Variants in ZBTB21 observed in about 807,000 individuals in gnomAD.
The protein encoded by ZBTB21 is zinc finger and BTB domain-containing protein 21.
ZBTB21 carries 10 observed loss-of-function variants against 39.8 expected under a neutral mutation model. The ratio of observed to expected loss-of-function variants is 0.25; its 90% CI spans 0.16 to 0.43. ZBTB21 has a LOEUF of 0.43. Ranked by LOEUF, ZBTB21 falls within the 20% of genes least tolerant of loss-of-function variation. The pLI, the probability that ZBTB21 is intolerant of heterozygous loss-of-function variation, is 1.00. For missense variants in ZBTB21, 1,221 were observed against 1,296.3 expected (o/e 0.94, Z 0.89); for synonymous variants, 551 against 498.8 (o/e 1.10, Z -1.40).
rs556807857 is a variant in ZBTB21 at position 41,999,236 on chromosome 21, A to G, written c.-14+3661T>C. ...AAGGTACAGATTTAAAGGCTTGGAT[A>G]GTCTTTGTCAAAAGGGGTTCTTAAA... On this transcript the variant is annotated intron_variant, in intron 2 of 2. Coordinates refer to ENST00000310826, the MANE Select transcript of ZBTB21 (RefSeq NM_001098402.2). Among the ~76,000 whole-genome samples the G allele has an allele frequency of 2.0e-5, 3 of 152,388 alleles. No individual in the cohort carries two copies. The South Asian group carries it at 6.2e-4, about 32-fold the overall frequency.
Position 41,992,507 on chromosome 21 carries a change from T to C in ZBTB21, c.1589A>G (p.Asn530Ser). The change falls in exon 3 of 3, where the codon AAT (asparagine) becomes AGT (serine). Residue 530 changes from asparagine (N) to serine (S), a missense_variant. Coordinates refer to ENST00000310826, the MANE Select transcript of ZBTB21 (RefSeq NM_001098402.2). The surrounding 1 kb of genome is among the most constrained non-coding windows in gnomAD (Gnocchi z 4.1). ...CTCCAACTCACCAAATTCGTCTTTA[T>C]TCAAATCAGAATCTGGAAAATCTGC... is the stretch of plus-strand genomic sequence containing the variant. ...LDADFPDSDL[N>S]KDEFGELEGT... 6.2e-7 allele frequency: 1 copy of C among 1,614,234 alleles called. No individual in the cohort carries two copies. The highest frequency in any genetic ancestry group is 1.1e-5 in the South Asian group (1 of 91,084).
At position 41,988,593 on chromosome 21, in the gene ZBTB21, G is replaced by A. The variant is rs1321826782; in HGVS notation, c.*2302C>T. On this transcript the variant is annotated 3_prime_UTR_variant, in exon 3 of 3. Transcript: ENST00000310826. The stretch of plus-strand genomic sequence containing the variant: ...ACTCTTTCAGCCTAATGCTTTTAAA[G>A]TACAGTATAAAAAGTAATAGAAAAA... The A allele has an allele frequency of 6.6e-6, 1 of 151,944 alleles. No homozygotes were observed. Among genetic ancestry groups the A allele is most frequent in the Non-Finnish European group, 1.5e-5 (1 of 67,960 alleles). 9.4% of individuals were successfully genotyped at this position (151,944 alleles called of 1,614,324 possible).
intron 2 of ZBTB21, among the ~76,000 whole-genome samples, chr21:41,997,432 C>T (rs1043537614): frequency 1.3e-5 from 2 of 151,702 alleles, no homozygotes; most frequent in Admixed American, 1.3e-4. Flanking sequence ...AAAAATTAGC[C>T]GAGGGTGGTG....
chr21:41,994,183 T>A, intron 2 of ZBTB21, 75 bp from the exon 3 acceptor site: 3 of 1,352,904 alleles, frequency 2.2e-6, no homozygotes, highest in Non-Finnish European at 3.0e-6. Context: ...GCAGGGAACA[T>A]CAGCTGTCTT....
Position 41,993,873 on chromosome 21 carries a change from A to G in ZBTB21, c.223T>C (p.Cys75Arg). 1 of 1,614,062 alleles carries G rather than the reference A, an allele frequency of 6.2e-7. No homozygotes were observed. The highest frequency in any genetic ancestry group is 8.5e-7 in the Non-Finnish European group (1 of 1,179,952). Residue 75 changes from cysteine (C) to arginine (R), a missense_variant, in exon 3 of 3, where the codon TGT becomes CGT. By Grantham distance (180) the Cys-to-Arg change is radical (BLOSUM62 -3). Coordinates refer to ENST00000310826, the MANE Select transcript of ZBTB21 (RefSeq NM_001098402.2). ...ACATTATCAAAAGCATCTGGCTCAC[A>G]GAAGTCAAGCTGAAATACAGTTTGT... ...ESQTVFQLDF[C>R]EPDAFDNVLN...
intron 1 of ZBTB21, among the ~76,000 whole-genome samples, chr21:42,005,990 A>C (rs1244627367): frequency 6.6e-6 from 1 of 152,252 alleles, no homozygotes; most frequent in Non-Finnish European, 1.5e-5. Context: ...CTGAGACCTA[A>C]GATCTGAATG....
At chr21:42,009,126 T>G (rs1271945236) in intron 1 of ZBTB21, 1 of 147,092 alleles carries the variant, frequency 6.8e-6, no homozygotes, top group Non-Finnish European at 1.5e-5. Context: ...TGTGAGCGCT[T>G]GCACGAAAGG....
rs756692826 is a variant in ZBTB21, at chr21:41,992,761, G to A, written c.1335C>T (p.Arg445=). The A allele has an allele frequency of 6.5e-5, 105 of 1,613,976 alleles. No individual in the cohort carries two copies. Among genetic ancestry groups the A allele is most frequent in the South Asian group, 1.1e-4 (10 of 91,080 alleles). ...SPLSDPSDII[R]VTVGDAATTA... ...TTGTTGCCGCATCTCCCACAGTGACGCGGATGATGTCCGAGGGGTCCGACA... is the reference window on the plus strand; with the variant it reads ...TTGTTGCCGCATCTCCCACAGTGACACGGATGATGTCCGAGGGGTCCGACA... The change falls in exon 3 of 3, where the codon CGC becomes CGT. Residue 445 remains arginine, a synonymous_variant. Transcript: ENST00000310826. This position sits in a 1 kb window ranked among gnomAD's most constrained non-coding sequence, Gnocchi z 4.1.
intron 1 of ZBTB21, among the ~76,000 whole-genome samples, chr21:42,008,342 C>CCA (rs1555912604): frequency 7.4e-5 from 4 of 54,310 alleles, no homozygotes; most frequent in African/African-American, 3.0e-4. Context: ...CCCGTCTCTA[C>CCA]AAAAAAAAAA....
At chr21:42,009,927 C>A (rs1360893161) in intron 1 of ZBTB21, among the ~76,000 whole-genome samples, 2 of 152,202 alleles carry the variant, frequency 1.3e-5, no homozygotes, top group African/African-American at 4.8e-5. Context: ...GTCCCCTACC[C>A]CAGGGGCAGC....
Position 41,990,958 on chromosome 21 carries a change from T to C in ZBTB21, c.3138A>G (p.Lys1046=), listed in dbSNP as rs780705608. Residue 1046 remains lysine, a synonymous_variant, in exon 3 of 3, where the codon AAA becomes AAG. Coordinates refer to ENST00000310826, the MANE Select transcript of ZBTB21 (RefSeq NM_001098402.2). ...AITFKRQFMC[K]LCHRTFKTAF... ...CAGTCTTGAATGTCCTGTGGCAAAG[T>C]TTACACATAAACTGTCTTTTAAATG... 1 of 1,517,952 alleles carries C rather than the reference T, an allele frequency of 6.6e-7. No individual in the cohort carries two copies. Among genetic ancestry groups the C allele is most frequent in the East Asian group, 2.3e-5 (1 of 43,878 alleles). The allele number at this position is 1,517,952 out of a possible 1,614,324, so 94.0% of individuals were successfully genotyped here. A position where few individuals can be genotyped will look rare whatever the true frequency, so the allele number is the denominator to read the frequency against.
Position 41,992,635 on chromosome 21 carries a change from T to G in ZBTB21, c.1461A>C (p.Gln487His). The change falls in exon 3 of 3, where the codon CAA becomes CAC. Residue 487 changes from glutamine (Q) to histidine (H), a missense_variant. By Grantham distance (24) the Gln-to-His change is conservative. Transcript: ENST00000310826. This position sits in a 1 kb window ranked among gnomAD's most constrained non-coding sequence, Gnocchi z 4.1. ...MSRLPAKRRF[Q>H]ADRRLPFKKL... ...TCTTAAACGGCAATCTTCGGTCCGC[T>G]TGGAACCTCCTTTTTGCTGGGAGTC... is the stretch of plus-strand genomic sequence containing the variant. 6.2e-7 allele frequency: 1 copy of G among 1,614,146 alleles called. No individual in the cohort carries two copies. The highest frequency in any genetic ancestry group is 8.5e-7 in the Non-Finnish European group (1 of 1,179,996).
rs1569104992 is a variant in ZBTB21, at chr21:41,992,843, C to G, written c.1253G>C (p.Arg418Thr). 1 of 1,614,182 alleles carries G rather than the reference C, an allele frequency of 6.2e-7. No homozygotes were observed. Residue 418 changes from arginine to threonine, a missense_variant, in exon 3 of 3, where the codon AGG becomes ACG. Arg to Thr is a moderately conservative substitution (Grantham distance 71). Coordinates refer to ENST00000310826, the MANE Select transcript of ZBTB21 (RefSeq NM_001098402.2). This position sits in a 1 kb window ranked among gnomAD's most constrained non-coding sequence, Gnocchi z 4.1. ...RSFSASQSTD[R>T]EGASPVTEVR... ...CTCAGTCACAGGGGAAGCTCCCTCCCTGTCTGTTGACTGAGAAGCACTAAA... is the reference window on the plus strand; with the variant it reads ...CTCAGTCACAGGGGAAGCTCCCTCCGTGTCTGTTGACTGAGAAGCACTAAA...
chr21:41,996,436 C>T (rs899421752), intron 2 of ZBTB21, among the ~76,000 whole-genome samples: 1 of 152,154 alleles, frequency 6.6e-6, no homozygotes, highest in African/African-American at 2.4e-5. Flanking sequence ...GGACTTGCAC[C>T]GGGGCCTGTA....
chr21:41,992,785 C>G lies in ZBTB21; in HGVS notation c.1311G>C (p.Leu437=), dbSNP rs781136862. The G allele has an allele frequency of 2.5e-6, 4 of 1,614,134 alleles. No homozygotes were observed. In the South Asian group the frequency reaches 3.3e-5, roughly 13 times the overall value. Residue 437 remains leucine, a synonymous_variant, in exon 3 of 3, where the codon CTG becomes CTC. Transcript: ENST00000310826. This position sits in a 1 kb window ranked among gnomAD's most constrained non-coding sequence, Gnocchi z 4.1. ...VRIKTEPSSP[L]SDPSDIIRVT... is the part of the protein sequence containing the mutation. ...CGCGGATGATGTCCGAGGGGTCCGACAGCGGGCTGCTGGGCTCAGTCTTTA... is the reference window on the plus strand; with the variant it reads ...CGCGGATGATGTCCGAGGGGTCCGAGAGCGGGCTGCTGGGCTCAGTCTTTA...
rs370704879 is a variant in ZBTB21 at position 41,994,112 on chromosome 21, A to T, written c.-13-4T>A. The stretch of plus-strand genomic sequence containing the variant: ...TCCCTCCATGGCTTGAGTTTATCTA[A>T]AAGACAAAATGTAAAATTACTACAG... On this transcript the variant is annotated splice_polypyrimidine_tract_variant and splice_region_variant and intron_variant, in intron 2 of 2. Coordinates refer to ENST00000310826, the MANE Select transcript of ZBTB21 (RefSeq NM_001098402.2). 53 of 1,549,470 alleles carry T rather than the reference A, an allele frequency of 3.4e-5. No homozygotes were observed. The highest frequency in any genetic ancestry group is 4.1e-5 in the Non-Finnish European group (47 of 1,151,198).
At chr21:42,006,444 ATTT>A (rs1314304118) in intron 1 of ZBTB21, among the ~76,000 whole-genome samples, 1 of 116,550 alleles carries the variant, frequency 8.6e-6, no homozygotes, top group Non-Finnish European at 1.8e-5. Flanking sequence ...AAAAAAAAAA[ATTT>A]TTTTTTCTTT....
rs148869512 is a variant in ZBTB21, at chr21:41,991,807, C to G, written c.2289G>C (p.Lys763Asn). 1.2e-6 allele frequency: 2 copies of G among 1,614,094 alleles called. No homozygotes were observed. Among genetic ancestry groups the G allele is most frequent in the African/African-American group, 1.3e-5 (1 of 74,948 alleles). The stretch of plus-strand genomic sequence containing the variant: ...ACTCACACTTGCTCTCGTGTTCTTG[C>G]TTCAGCTCGGGCGAGAAAAACCTGA... ...CSLRFFSPEL[K>N]QEHESKCEYK... The change falls in exon 3 of 3, where the codon AAG becomes AAC. Residue 763 changes from lysine (K) to asparagine (N), a missense_variant. Lys to Asn is a moderately conservative substitution (Grantham distance 94). This residue lies in a region of ZBTB21 where 523 missense variants were observed against 542.5 expected (regional missense o/e 0.96). Coordinates refer to ENST00000310826, the MANE Select transcript of ZBTB21 (RefSeq NM_001098402.2). This position sits in a 1 kb window ranked among gnomAD's most constrained non-coding sequence, Gnocchi z 4.9.
In ZBTB21 at chr21:41,993,627, C is replaced by T. The variant is rs1011435687; in HGVS notation, c.469G>A (p.Glu157Lys). The T allele has an allele frequency of 3.7e-6, 6 of 1,614,204 alleles. No individual in the cohort carries two copies. The highest frequency in any genetic ancestry group is 1.7e-5 in the Admixed American group (1 of 60,022). The change falls in exon 3 of 3, where the codon GAA (glutamate) becomes AAA (lysine). Residue 157 changes from glutamate (E) to lysine (K), a missense_variant. Physicochemically the swap from Glu to Lys is moderately conservative, Grantham distance 56. This residue lies in a region of ZBTB21 where 500 missense variants were observed against 465.6 expected (regional missense o/e 1.07). Transcript: ENST00000310826. The part of the protein sequence containing the change: ...RSVIVCQSRN[E>K]AQGKTVSQNQ... ...TGACTAACAGTTTTTCCTTGCGCTT[C>T]GTTTCTACTTTGACAAACAATGACA...
Sources: gnomAD v4.1 joint callset for allele counts (sites outside exome capture counted in the v4.1 genomes callset) on GRCh38, gnomAD v4.1.1 for gene constraint, gnomAD v4.1.1 regional missense constraint, Gnocchi (gnomAD v3.1) non-coding constraint, MANE v1.5 for transcripts, NCBI Gene and HGNC (gene_info 2026-07-23, HGNC 2026-07-21) for gene names.